The following RPL28 variants were observed in gnomAD, a reference collection of about 807,000 sequenced individuals.
RPL28 encodes the protein large ribosomal subunit protein eL28.
Under a neutral mutation model 12.5 loss-of-function variants are expected in RPL28, and 4 were observed. The observed-to-expected ratio is 0.32, with a 90% CI of 0.16 to 0.73. The LOEUF (loss-of-function observed/expected upper bound fraction) is 0.73. Among genes scored for constraint, RPL28 ranks in the 30% least tolerant of loss-of-function variants. RPL28 has a pLI of 0.66. For missense variants in RPL28, 214 were observed against 197.7 expected, an observed-to-expected ratio of 1.08 and a Z score of -0.49; for synonymous variants, 91 against 72.5, an observed-to-expected ratio of 1.26 and a Z score of -1.30.
chr19:55,390,529 T>G lies in RPL28; in HGVS notation c.*2197T>G. 19 of 985,492 alleles carry G rather than the reference T, an allele frequency of 1.9e-5. No individual in the cohort carries two copies. Among genetic ancestry groups the G allele is most frequent in the Non-Finnish European group, 2.3e-5 (19 of 829,980 alleles). The allele number at this position is 985,492 out of a possible 1,614,324, so 61.0% of individuals were successfully genotyped here. ...GGCTGCTGCTGCTCAGAAGGCCTTG[T>G]CCTTAACCACCTCCTTGCCTGCCCT... On this transcript the variant is annotated 3_prime_UTR_variant, in exon 5 of 5. Transcript: ENST00000344063.
chr19:55,389,967 GGA>G lies in RPL28; in HGVS notation c.*1639_*1640del, dbSNP rs553357944. The G allele has an allele frequency of 1.9e-5, 19 of 985,526 alleles. No homozygotes were observed. The East Asian group carries it at 2.2e-3, about 112-fold the overall frequency. The allele number at this position is 985,526 out of a possible 1,614,324, so 61.0% of individuals were successfully genotyped here. A position where few individuals can be genotyped will look rare whatever the true frequency, so the allele number is the denominator to read the frequency against. On this transcript the variant is annotated 3_prime_UTR_variant, in exon 5 of 5. Transcript: ENST00000344063. ...CTGCGCTGGGACTCCGCCTTCATAAGGAGAGCTCACTGCTCACGTTAGTAGAT... is the reference window on the plus strand; with the variant it reads ...CTGCGCTGGGACTCCGCCTTCATAAGGAGCTCACTGCTCACGTTAGTAGAT...
Position 55,392,005 on chromosome 19 carries a change from G to A in RPL28, c.*3673G>A. The A allele has an allele frequency of 9.0e-7, 1 of 1,115,918 alleles. No individual in the cohort carries two copies. The highest frequency in any genetic ancestry group is 1.1e-6 in the Non-Finnish European group (1 of 912,374). The allele number at this position is 1,115,918 out of a possible 1,614,324, so 69.1% of individuals were successfully genotyped here. A position where few individuals can be genotyped will look rare whatever the true frequency, so the allele number is the denominator to read the frequency against. The stretch of plus-strand genomic sequence containing the variant: ...CTCAGCTGCATTTCCAGCCCAGGCT[G>A]TTTGGCGCTGCCCAGGAATGGTATC... On this transcript the variant is annotated 3_prime_UTR_variant, in exon 5 of 5. Coordinates refer to ENST00000344063, the MANE Select transcript of RPL28 (RefSeq NM_000991.5).
chr19:55,392,924 T>A (rs1600309454), downstream of RPL28, among the ~76,000 whole-genome samples: 2 of 152,222 alleles, frequency 1.3e-5, no homozygotes, highest in East Asian at 3.9e-4. Flanking sequence ...TGTCTCTCCA[T>A]CAGCACACAC....
chr19:55,390,728 G>C lies in RPL28; in HGVS notation c.*2396G>C. Reference sequence around the variant, plus strand: ...CTGTCTGTGTGGCTGGGCTGGGGAGGCCACGTCTGGTATCTGAATGCTATC... The same window carrying C: ...CTGTCTGTGTGGCTGGGCTGGGGAGCCCACGTCTGGTATCTGAATGCTATC... On this transcript the variant is annotated 3_prime_UTR_variant, in exon 5 of 5. Coordinates refer to ENST00000344063, the MANE Select transcript of RPL28 (RefSeq NM_000991.5). 1.0e-6 allele frequency: 1 copy of C among 985,488 alleles called. No homozygotes were observed. Among genetic ancestry groups the C allele is most frequent in the Non-Finnish European group, 1.2e-6 (1 of 829,972 alleles). 61.0% of individuals were successfully genotyped at this position (985,488 alleles called of 1,614,324 possible).
At chr19:55,395,629 G>T (rs577813868), downstream of RPL28, among the ~76,000 whole-genome samples, 6 of 151,314 alleles carry the variant, frequency 4.0e-5, no homozygotes, top group Admixed American at 2.6e-4. Context: ...ATTTTTAGTA[G>T]ACATGGGGTT....
At chr19:55,401,849 T>C (rs919058272) in intron 4 of RPL28, 3 of 1,402,486 alleles carry the variant, frequency 2.1e-6, no homozygotes, top group Admixed American at 3.7e-5. Flanking sequence ...CCGCACTGGC[T>C]GTTCCTTCTG....
In RPL28 at chr19:55,387,952, C is replaced by T. The variant is rs374154917; in HGVS notation, c.228C>T (p.Ser76=). 17 of 1,592,990 alleles carry T rather than the reference C, an allele frequency of 1.1e-5. No homozygotes were observed. The African/African-American group carries it at 1.9e-4, about 18-fold the overall frequency. Residue 76 remains serine, a synonymous_variant, in exon 4 of 5, where the codon TCC becomes TCT. Transcript: ENST00000344063. ...CAGGCCAGCGGAAGCCTGCCACCTC[C>T]TATGTGCGGACCACCATCAACAAGA... is the stretch of plus-strand genomic sequence containing the variant. ...RRSGQRKPAT[S]YVRTTINKNA... is the part of the protein sequence containing the mutation.
downstream of RPL28, among the ~76,000 whole-genome samples, chr19:55,392,819 G>A (rs1196304141): frequency 6.6e-6 from 1 of 152,042 alleles, no homozygotes; most frequent in East Asian, 1.9e-4. Flanking sequence ...GTGAGCCACC[G>A]CGTCCGGCCC....
chr19:55,389,279 G>C lies in RPL28; in HGVS notation c.*947G>C. 1.1e-6 allele frequency: 1 copy of C among 938,984 alleles called. No homozygotes were observed. The highest frequency in any genetic ancestry group is 1.3e-6 in the Non-Finnish European group (1 of 787,556). The allele number at this position is 938,984 out of a possible 1,614,324, so 58.2% of individuals were successfully genotyped here. A position where few individuals can be genotyped will look rare whatever the true frequency, so the allele number is the denominator to read the frequency against. ...AGAGGCTGAGGTGAGCGGAGCACTTGAGCCAAGAGTATGAGGCTGCAGTGA... is the reference window on the plus strand; with the variant it reads ...AGAGGCTGAGGTGAGCGGAGCACTTCAGCCAAGAGTATGAGGCTGCAGTGA... On this transcript the variant is annotated 3_prime_UTR_variant, in exon 5 of 5. Coordinates refer to ENST00000344063, the MANE Select transcript of RPL28 (RefSeq NM_000991.5).
chr19:55,387,103 C>T lies in RPL28; in HGVS notation c.205+410C>T, dbSNP rs1223228385. ...GGGGACAGGCTGGGTTGGTTGCAGC[C>T]ATTTGATTCCCATTTTGCCTGTGTA... is the stretch of plus-strand genomic sequence containing the variant. On this transcript the variant is annotated intron_variant, in intron 3 of 4. Transcript: ENST00000344063. The T allele has an allele frequency of 2.9e-6, 4 of 1,359,340 alleles. No homozygotes were observed. In the East Asian group the frequency reaches 1.0e-4, roughly 34 times the overall value. 84.2% of individuals were successfully genotyped at this position (1,359,340 alleles called of 1,614,324 possible).
intron 4 of RPL28, 62 bp downstream of exon 4, chr19:55,388,110 C>T (rs563308894): frequency 7.5e-6 from 12 of 1,602,852 alleles, no homozygotes; most frequent in African/African-American, 6.7e-5. Context: ...GAAGGGCCTC[C>T]CACTACTGGT....
At chr19:55,395,336 A>G (rs1418585816), downstream of RPL28, among the ~76,000 whole-genome samples, 2 of 151,894 alleles carry the variant, frequency 1.3e-5, no homozygotes, top group Non-Finnish European at 2.9e-5. Flanking sequence ...GGGTTTCACC[A>G]TGTTGGCCAG....
chr19:55,395,648 T>C (rs1009814154), downstream of RPL28, among the ~76,000 whole-genome samples: 6 of 150,206 alleles, frequency 4.0e-5, no homozygotes, highest in South Asian at 2.1e-4. Flanking sequence ...TTTCACTGTG[T>C]TAGCCAGGAT....
downstream of RPL28, among the ~76,000 whole-genome samples, chr19:55,396,014 A>G (rs907573737): frequency 6.6e-6 from 1 of 152,092 alleles, no homozygotes; most frequent in East Asian, 1.9e-4. Context: ...GCGGTGGCAC[A>G]TGCCTGTTAT....
Position 55,390,534 on chromosome 19 carries a change from A to G in RPL28, c.*2202A>G, listed in dbSNP as rs751405713. ...CTGCTGCTCAGAAGGCCTTGTCCTT[A>G]ACCACCTCCTTGCCTGCCCTGGAGG... is the stretch of plus-strand genomic sequence containing the variant. On this transcript the variant is annotated 3_prime_UTR_variant, in exon 5 of 5. Coordinates refer to ENST00000344063, the MANE Select transcript of RPL28 (RefSeq NM_000991.5). 12 of 985,320 alleles carry G rather than the reference A, an allele frequency of 1.2e-5. No homozygotes were observed. The highest frequency in any genetic ancestry group is 1.7e-5 in the African/African-American group (1 of 57,194). 61.0% of individuals were successfully genotyped at this position (985,320 alleles called of 1,614,324 possible). A position where few individuals can be genotyped will look rare whatever the true frequency, so the allele number is the denominator to read the frequency against.
At position 55,391,140 on chromosome 19, in the gene RPL28, TC is replaced by T. The variant is rs1600307532; in HGVS notation, c.*2810del. The stretch of plus-strand genomic sequence containing the variant: ...ACCAGGCCCAGGCAGTGGGGACACA[TC>T]CAGAGTGCTGAAAGAACCTCCCCCA... On this transcript the variant is annotated 3_prime_UTR_variant, in exon 5 of 5. Transcript: ENST00000344063. 8.7e-6 allele frequency: 2 copies of T among 230,418 alleles called. No homozygotes were observed. Among genetic ancestry groups the T allele is most frequent in the East Asian group, 1.7e-4 (1 of 5,884 alleles). The allele number at this position is 230,418 out of a possible 1,614,324, so 14.3% of individuals were successfully genotyped here.
Position 55,388,599 on chromosome 19 carries a change from G to A in RPL28, c.*267G>A. 8.1e-7 allele frequency: 1 copy of A among 1,234,076 alleles called. No individual in the cohort carries two copies. The highest frequency in any genetic ancestry group is 4.2e-5 in the Admixed American group (1 of 23,802). The allele number at this position is 1,234,076 out of a possible 1,614,324, so 76.4% of individuals were successfully genotyped here. A position where few individuals can be genotyped will look rare whatever the true frequency, so the allele number is the denominator to read the frequency against. On this transcript the variant is annotated 3_prime_UTR_variant, in exon 5 of 5. Transcript: ENST00000344063. ...TGCTGACTTGTGATTGAGACCTACT[G>A]TCCCATTGTGAGGTGGCCTGAAGAA...
chr19:55,392,032 A>G lies in RPL28; in HGVS notation c.*3700A>G. 1 of 1,067,576 alleles carries G rather than the reference A, an allele frequency of 9.4e-7. No individual in the cohort carries two copies. Among genetic ancestry groups the G allele is most frequent in the East Asian group, 6.4e-5 (1 of 15,670 alleles). The allele number at this position is 1,067,576 out of a possible 1,614,324, so 66.1% of individuals were successfully genotyped here. A position where few individuals can be genotyped will look rare whatever the true frequency, so the allele number is the denominator to read the frequency against. ...TTGGCGCTGCCCAGGAATGGTATCA[A>G]TTCCCCTGTTTCTCTTGTAGCCAGT... On this transcript the variant is annotated 3_prime_UTR_variant, in exon 5 of 5. Coordinates refer to ENST00000344063, the MANE Select transcript of RPL28 (RefSeq NM_000991.5).
chr19:55,395,693 T>TGCC (rs1281929089), downstream of RPL28, among the ~76,000 whole-genome samples: 27 of 151,978 alleles, frequency 1.8e-4, no homozygotes, highest in Admixed American at 5.9e-4. Context: ...TCTGCCCACC[T>TGCC]TGGCCTCCCA....
Sources: gnomAD v4.1 joint callset for allele counts (sites outside exome capture counted in the v4.1 genomes callset) on GRCh38, gnomAD v4.1.1 for gene constraint, MANE v1.5 for transcripts, NCBI Gene and HGNC (gene_info 2026-07-23, HGNC 2026-07-21) for gene names.